PTPRG: variants seen among roughly 807,000 people sequenced by gnomAD.
PTPRG encodes receptor-type tyrosine-protein phosphatase gamma.
A neutral mutation model predicts 165.3 loss-of-function variants in PTPRG; 102 were observed. That is an observed-to-expected ratio of 0.62 (90% CI 0.53 to 0.73). The LOEUF (loss-of-function observed/expected upper bound fraction) is 0.73, where lower values mean the gene tolerates loss of function less well. Ranked by LOEUF, PTPRG falls within the 30% of genes least tolerant of loss-of-function variation. PTPRG has a pLI of 0.00. For missense variants in PTPRG, 1,866 were observed against 1,861.4 expected, an observed-to-expected ratio of 1.00 and a Z score of -0.05; for synonymous variants, 675 against 669.5, an observed-to-expected ratio of 1.01 and a Z score of -0.13.
In PTPRG at chr3:62,165,847, G is replaced by A. The variant is rs545255393; in HGVS notation, c.841-2124G>A. On this transcript the variant is annotated intron_variant, in intron 7 of 29. Coordinates refer to ENST00000474889, the MANE Select transcript of PTPRG (RefSeq NM_002841.4). ...CATGCAAAGAGAGGGCAGACTGTTT[G>A]GAAGCAGGTCATTTTCTGTGTCATT... Among the ~76,000 whole-genome samples the A allele has an allele frequency of 2.0e-5, 3 of 152,234 alleles. No individual in the cohort carries two copies. The South Asian group carries it at 6.2e-4, about 32-fold the overall frequency.
chr3:61,704,669 TAAAG>T (rs2031157544), intron 1 of PTPRG, among the ~76,000 whole-genome samples: 3 of 151,862 alleles, frequency 2.0e-5, no homozygotes, highest in Admixed American at 2.0e-4. Context: ...GCTGTTGCCT[TAAAG>T]AAAAACTCCT....
chr3:61,840,537 A>C (rs910992916), intron 2 of PTPRG, among the ~76,000 whole-genome samples: 2 of 152,154 alleles, frequency 1.3e-5, no homozygotes, highest in Non-Finnish European at 2.9e-5. Flanking sequence ...AAATGATGTC[A>C]GTGTGAATTG....
intron 2 of PTPRG, among the ~76,000 whole-genome samples, chr3:61,802,779 T>A (rs1356821397): frequency 1.3e-5 from 2 of 152,180 alleles, no homozygotes; most frequent in Non-Finnish European, 2.9e-5. Context: ...ATGGCCATTA[T>A]GAGAAGGCCA....
chr3:61,928,426 T>TA (rs1559694682), intron 2 of PTPRG, among the ~76,000 whole-genome samples: 1 of 152,236 alleles, frequency 6.6e-6, no homozygotes, highest in Non-Finnish European at 1.5e-5. Flanking sequence ...TCCATTTTTT[T>TA]AATCCCCTAC....
At chr3:61,634,278 T>C (rs916400436) in intron 1 of PTPRG, among the ~76,000 whole-genome samples, 2 of 149,910 alleles carry the variant, frequency 1.3e-5, no homozygotes, top group Admixed American at 1.3e-4. Context: ...CCTACTGTCA[T>C]CTGGGCTGGA....
rs72890418 is a variant in PTPRG at position 61,611,633 on chromosome 3, G to A, written c.85+49261G>A. On this transcript the variant is annotated intron_variant, in intron 1 of 29. Coordinates refer to ENST00000474889, the MANE Select transcript of PTPRG (RefSeq NM_002841.4). ...AATTTGTGGGTCAATTAAGGCAGGG[G>A]TTGGCGAACATTTTCTGTAAAGAGC... Among the ~76,000 whole-genome samples the A allele has an allele frequency of 2.9e-3, 443 of 152,242 alleles. 3 individuals are homozygous for A. Among genetic ancestry groups the A allele is most frequent in the African/African-American group, 0.01 (424 of 41,530 alleles).
intron 10 of PTPRG, among the ~76,000 whole-genome samples, chr3:62,200,281 AT>A (rs991716959): frequency 2.0e-5 from 3 of 151,404 alleles, no homozygotes; most frequent in East Asian, 3.9e-4. Context: ...TTATTTATTT[AT>A]TTTTTTTGAG....
rs1413268506 is a variant in PTPRG, at chr3:62,237,268, AT to A, written c.2375+5958del. On this transcript the variant is annotated intron_variant, in intron 14 of 29. Transcript: ENST00000474889. The surrounding 1 kb of genome is among the most constrained non-coding windows in gnomAD (Gnocchi z 4.5). ...CTTCCTTAAGAATTCCTGGGTGGAA[AT>A]GGGGGGTCAGAAGTCTAGAGGTTTT... Among the ~76,000 whole-genome samples, 3 of 152,260 alleles carry A rather than the reference AT, an allele frequency of 2.0e-5. No homozygotes were observed. The highest frequency in any genetic ancestry group is 1.3e-4 in the Admixed American group (2 of 15,290).
intron 2 of PTPRG, among the ~76,000 whole-genome samples, chr3:61,965,487 CAAA>C (rs56210593): frequency 1.2e-5 from 1 of 80,188 alleles, no homozygotes; most frequent in Non-Finnish European, 2.5e-5. Context: ...GACTCCGTCT[CAAA>C]AAAAAAAAAA....
intron 1 of PTPRG, among the ~76,000 whole-genome samples, chr3:61,564,854 A>G (rs1286269169): frequency 2.0e-5 from 3 of 152,134 alleles, no homozygotes; most frequent in African/African-American, 7.2e-5. Context: ...CCTTGGCGCG[A>G]GGCGGCGGCC....
At chr3:61,712,008 C>T (rs1046760832) in intron 1 of PTPRG, among the ~76,000 whole-genome samples, 1 of 151,686 alleles carries the variant, frequency 6.6e-6, no homozygotes, top group Non-Finnish European at 1.5e-5. Context: ...ATTCTCCTGC[C>T]TCAGCCTCCC....
chr3:62,250,802 T>A (rs1004299960), intron 15 of PTPRG, among the ~76,000 whole-genome samples: 2 of 152,356 alleles, frequency 1.3e-5, no homozygotes, highest in Middle Eastern at 3.4e-3. Flanking sequence ...TCTGAGGCTC[T>A]GCTTTTGGTA....
intron 2 of PTPRG, among the ~76,000 whole-genome samples, chr3:61,959,497 A>AT (rs1388075680): frequency 2.0e-5 from 3 of 152,194 alleles, no homozygotes; most frequent in African/African-American, 7.2e-5. Context: ...TCCTATGAGA[A>AT]TGTAATGCTG....
chr3:61,968,039 G>A (rs749547825), intron 2 of PTPRG, among the ~76,000 whole-genome samples: 35 of 152,132 alleles, frequency 2.3e-4, no homozygotes, highest in Non-Finnish European at 4.1e-4. Flanking sequence ...ACGTCTTATT[G>A]GAAGTTGAGA....
chr3:62,074,180 AGTGTGT>A (rs140019903), intron 4 of PTPRG, among the ~76,000 whole-genome samples: 19 of 143,674 alleles, frequency 1.3e-4, no homozygotes, highest in East Asian at 6.1e-4. Flanking sequence ...AAAAAGTGAG[AGTGTGT>A]GTGTGTGTGT....
At chr3:62,156,154 A>G (rs972847370) in intron 6 of PTPRG, among the ~76,000 whole-genome samples, 1 of 152,210 alleles carries the variant, frequency 6.6e-6, no homozygotes, top group African/African-American at 2.4e-5. Flanking sequence ...GCCTTTGCTC[A>G]TGCTGTTTCT....
At chr3:61,863,044 T>C (rs1472486458) in intron 2 of PTPRG, among the ~76,000 whole-genome samples, 2 of 139,318 alleles carry the variant, frequency 1.4e-5, no homozygotes, top group Admixed American at 7.1e-5. Flanking sequence ...ACCTGGCACC[T>C]TTTTCTGAAG....
rs559637786 is a variant in PTPRG at position 61,917,790 on chromosome 3, G to A, written c.191-71835G>A. Among the ~76,000 whole-genome samples the A allele has an allele frequency of 9.9e-5, 15 of 152,246 alleles. 1 individual carries two copies. The South Asian group carries it at 1.7e-3, about 17-fold the overall frequency. ...TTACTAAAAATACAAAACATTATCC[G>A]GGTGTGGTGGCGGACGCTTGTAATC... On this transcript the variant is annotated intron_variant, in intron 2 of 29. Coordinates refer to ENST00000474889, the MANE Select transcript of PTPRG (RefSeq NM_002841.4).
intron 2 of PTPRG, among the ~76,000 whole-genome samples, chr3:61,967,904 T>A (rs2040305010): frequency 6.6e-6 from 1 of 152,220 alleles, no homozygotes; most frequent in Non-Finnish European, 1.5e-5. Context: ...AGATTTTCTC[T>A]AGTAAACATG....
Sources: gnomAD v4.1 joint callset for allele counts (sites outside exome capture counted in the v4.1 genomes callset) on GRCh38, gnomAD v4.1.1 for gene constraint, Gnocchi (gnomAD v3.1) non-coding constraint, MANE v1.5 for transcripts, NCBI Gene and HGNC (gene_info 2026-07-23, HGNC 2026-07-21) for gene names.